The following PACC1 variants were observed in gnomAD, a reference collection of about 807,000 sequenced individuals.
The protein encoded by PACC1 is proton activated chloride channel 1.
In PACC1, 34 loss-of-function variants were observed where a neutral mutation model predicts 39.7. The ratio of observed to expected loss-of-function variants is 0.86; its 90% CI spans 0.65 to 1.14. The LOEUF is 1.14. PACC1 is among the 50% of genes most tolerant of loss of function. The pLI, the probability that PACC1 is intolerant of heterozygous loss-of-function variation, is 0.00. For synonymous variants in PACC1, 127 were observed against 160.6 expected (o/e 0.79, Z 1.58); for missense variants, 379 against 436.4 (o/e 0.87, Z 1.17).
At chr1:212,390,363 C>A (rs979526538) in intron 2 of PACC1, among the ~76,000 whole-genome samples, 2 of 146,526 alleles carry the variant, frequency 1.4e-5, no homozygotes, top group African/African-American at 5.1e-5. Context: ...GCGGAGGTTG[C>A]AGTGAGTTGA....
intron 5 of PACC1, among the ~76,000 whole-genome samples, chr1:212,378,308 T>C (rs792443): frequency 0.83 from 126,843 of 152,208 alleles, 53,271 homozygotes; most frequent in African/African-American, 0.94. Flanking sequence ...GGAGTGGGGG[T>C]GGGATCCCGG....
intron 2 of PACC1, among the ~76,000 whole-genome samples, chr1:212,396,120 A>G (rs1487648761): frequency 6.6e-6 from 1 of 152,244 alleles, no homozygotes; most frequent in East Asian, 1.9e-4. Flanking sequence ...TCATGCTGCT[A>G]TAAAGACACA....
chr1:212,407,816 T>G (rs940800921), intron 2 of PACC1, among the ~76,000 whole-genome samples: 2 of 152,142 alleles, frequency 1.3e-5, no homozygotes, highest in African/African-American at 2.4e-5. Context: ...GGCCCACGCC[T>G]GTAATCCCAG....
At chr1:212,414,167 A>G in intron 1 of PACC1, 1 of 1,371,492 alleles carries the variant, frequency 7.3e-7, no homozygotes. Flanking sequence ...GACGAAGAGG[A>G]GCGAGAACTA....
chr1:212,385,991 C>T (rs1344114529), intron 3 of PACC1, among the ~76,000 whole-genome samples: 3 of 152,062 alleles, frequency 2.0e-5, no homozygotes, highest in South Asian at 4.2e-4. Flanking sequence ...CACTAAGACA[C>T]CAGACAGAGA....
intron 5 of PACC1, 89 bp from the exon 6 acceptor site, chr1:212,377,795 T>C (rs1001778737): frequency 1.0e-5 from 15 of 1,460,172 alleles, no homozygotes; most frequent in Non-Finnish European, 1.3e-5. Context: ...GTTTCTTTGC[T>C]GGCACAACCA....
chr1:212,408,533 G>T (rs920819597), intron 2 of PACC1, among the ~76,000 whole-genome samples: 2 of 151,930 alleles, frequency 1.3e-5, no homozygotes, highest in African/African-American at 2.4e-5. Flanking sequence ...GCTAATTTTT[G>T]TATTTTTTAG....
chr1:212,365,432 T>C, intron 7 of PACC1, 56 bp from the exon 8 acceptor site: 18 of 1,038,704 alleles, frequency 1.7e-5, no homozygotes, highest in South Asian at 1.4e-4. Context: ...CTTGATTCTT[T>C]TTTTTTTTTT....
At chr1:212,365,415 C>CTTCAG in intron 7 of PACC1, 39 bp from the exon 8 acceptor site, 1 of 1,334,228 alleles carries the variant, frequency 7.5e-7, no homozygotes, top group South Asian at 1.3e-5. Flanking sequence ...TACTGGTTTG[C>CTTCAG]TTCAGTCTTG....
At position 212,367,793 on chromosome 1, in the gene PACC1, C is replaced by T. The variant is rs532597677; in HGVS notation, c.892-2417G>A. On this transcript the variant is annotated intron_variant, in intron 7 of 7. Coordinates refer to ENST00000261455, the MANE Select transcript of PACC1 (RefSeq NM_018252.3). ...CAGCACCAGGAAGAATCCCGAATCCCCTAATTATAGGCTATTGCTCCCAAA... is the reference window on the plus strand; with the variant it reads ...CAGCACCAGGAAGAATCCCGAATCCTCTAATTATAGGCTATTGCTCCCAAA... Among the ~76,000 whole-genome samples, 15 of 152,250 alleles carry T rather than the reference C, an allele frequency of 9.9e-5. No homozygotes were observed. The South Asian group carries it at 3.1e-3, about 32-fold the overall frequency.
chr1:212,383,869 T>C (rs1279319500), intron 4 of PACC1, among the ~76,000 whole-genome samples: 1 of 150,740 alleles, frequency 6.6e-6, no homozygotes, highest in Non-Finnish European at 1.5e-5. Context: ...AAGAATCATC[T>C]TCCCTTCGCT....
intron 2 of PACC1, among the ~76,000 whole-genome samples, chr1:212,409,023 G>A (rs914246673): frequency 4.6e-5 from 7 of 152,186 alleles, no homozygotes; most frequent in African/African-American, 1.7e-4. Flanking sequence ...ATTCTCATAG[G>A]AGTGCAAATC....
intron 6 of PACC1, among the ~76,000 whole-genome samples, chr1:212,375,982 T>G (rs1660651092): frequency 6.6e-6 from 1 of 152,230 alleles, no homozygotes; most frequent in Non-Finnish European, 1.5e-5. Context: ...AGTACTTGGT[T>G]TTCAGATCAA....
chr1:212,369,930 G>C (rs1660383635), intron 7 of PACC1, among the ~76,000 whole-genome samples: 1 of 152,152 alleles, frequency 6.6e-6, no homozygotes, highest in Non-Finnish European at 1.5e-5. Context: ...GTAATGATGA[G>C]GGAGTCAATT....
At chr1:212,368,220 C>G (rs1660314055) in intron 7 of PACC1, among the ~76,000 whole-genome samples, 2 of 152,212 alleles carry the variant, frequency 1.3e-5, no homozygotes. Flanking sequence ...GCTTAGGGAA[C>G]TCATCATCAG....
chr1:212,414,548 C>T (rs2102555383), intron 1 of PACC1, among the ~76,000 whole-genome samples, 174 bp downstream of exon 1: 1 of 152,320 alleles, frequency 6.6e-6, no homozygotes, highest in African/African-American at 2.4e-5. Flanking sequence ...CGCTTCCTTC[C>T]TGCCCCTGGG....
At chr1:212,396,759 G>T (rs1309415786) in intron 2 of PACC1, among the ~76,000 whole-genome samples, 2 of 135,724 alleles carry the variant, frequency 1.5e-5, no homozygotes, top group African/African-American at 5.6e-5. Context: ...CTAATGTAAA[G>T]AAAAGAGAAA....
intron 2 of PACC1, among the ~76,000 whole-genome samples, chr1:212,400,358 CAAG>C (rs1043480601): frequency 1.7e-4 from 26 of 152,128 alleles, no homozygotes; most frequent in African/African-American, 5.6e-4. Context: ...AGGCATAAAA[CAAG>C]AAGATCACAT....
chr1:212,369,367 A>G (rs561391889), intron 7 of PACC1, among the ~76,000 whole-genome samples: 3 of 152,250 alleles, frequency 2.0e-5, no homozygotes. Flanking sequence ...TATCAGTAAT[A>G]ATATTGAATG....
Sources: allele counts gnomAD v4.1 joint callset (sites outside exome capture counted in the v4.1 genomes callset), GRCh38; gene constraint gnomAD v4.1.1; transcripts MANE v1.5; gene names NCBI Gene and HGNC (gene_info 2026-07-23, HGNC 2026-07-21).